DDX54: variants seen among roughly 807,000 people sequenced by gnomAD.
The protein encoded by DDX54 is DEAD-box helicase 54, also known as ATP-dependent RNA helicase DDX54.
Under a neutral mutation model 105.5 loss-of-function variants are expected in DDX54, and 67 were observed. The observed-to-expected ratio is 0.64, with a 90% CI of 0.52 to 0.78. The LOEUF (loss-of-function observed/expected upper bound fraction) is 0.78. Among genes scored for constraint, DDX54 ranks in the 30% least tolerant of loss-of-function variants. DDX54 has a pLI of 0.00. For synonymous variants in DDX54, 514 were observed against 509.9 expected, an observed-to-expected ratio of 1.01 and a Z score of -0.11; for missense variants, 1,206 against 1,230.5, an observed-to-expected ratio of 0.98 and a Z score of 0.30.
At chr12:113,182,252 G>A (rs1188438922) in intron 1 of DDX54, among the ~76,000 whole-genome samples, 2 of 152,198 alleles carry the variant, frequency 1.3e-5, no homozygotes, top group Admixed American at 6.5e-5. Flanking sequence ...TGGCTTCAGA[G>A]ACTGTGTTCT....
At chr12:113,182,073 G>A (rs1042243390) in intron 1 of DDX54, among the ~76,000 whole-genome samples, 1 of 152,000 alleles carries the variant, frequency 6.6e-6, no homozygotes, top group African/African-American at 2.4e-5. Context: ...TATAAGCTAG[G>A]TGCTGCTCTG....
At chr12:113,170,124 C>A (rs541598980) in intron 11 of DDX54, among the ~76,000 whole-genome samples, 1 of 152,208 alleles carries the variant, frequency 6.6e-6, no homozygotes, top group East Asian at 1.9e-4. Context: ...AGCAAAAATA[C>A]AGCAAGGCCC....
In DDX54 at chr12:113,158,999, G is replaced by A. The variant is rs1222180661; in HGVS notation, c.2524C>T (p.Leu842=). 6.2e-7 allele frequency: 1 copy of A among 1,611,844 alleles called. No individual in the cohort carries two copies. ...QRRRAQKLHF[L]QRGGLKQLSA... The stretch of plus-strand genomic sequence containing the variant: ...AGCTGCTTGAGGCCACCACGCTGCA[G>A]GAAGTGCAGCTTCTGGGCCCGGCGC... The change falls in exon 20 of 20, where the codon CTG becomes TTG. Residue 842 remains leucine, a synonymous_variant. Coordinates refer to ENST00000306014, the MANE Select transcript of DDX54 (RefSeq NM_024072.4). The surrounding 1 kb of genome is among the most constrained non-coding windows in gnomAD (Gnocchi z 4.9).
chr12:113,178,841 C>A, intron 5 of DDX54, 136 bp downstream of exon 5: 1 of 1,228,592 alleles, frequency 8.1e-7, no homozygotes, highest in South Asian at 1.5e-5. Context: ...CTGGGCCCGG[C>A]CTTGTTGGGT....
intron 12 of DDX54, among the ~76,000 whole-genome samples, chr12:113,169,213 A>C (rs1952307257): frequency 6.6e-6 from 1 of 151,568 alleles, no homozygotes; most frequent in African/African-American, 2.4e-5. Flanking sequence ...TTTAAAATAG[A>C]GGGATTAGCC....
chr12:113,165,534 T>G (rs1378808443), intron 14 of DDX54, 110 bp downstream of exon 14: 2 of 1,204,662 alleles, frequency 1.7e-6, no homozygotes, highest in East Asian at 2.6e-5. Context: ...GAGTGCAATC[T>G]GAGTCCTGGC....
At chr12:113,166,823 G>T (rs1040982117) in intron 12 of DDX54, among the ~76,000 whole-genome samples, 1 of 152,224 alleles carries the variant, frequency 6.6e-6, no homozygotes, top group Non-Finnish European at 1.5e-5. Context: ...GCTCAGCGAG[G>T]TTCAATTACT....
intron 11 of DDX54, among the ~76,000 whole-genome samples, chr12:113,170,634 G>A (rs931309390): frequency 1.3e-5 from 2 of 152,004 alleles, no homozygotes; most frequent in East Asian, 3.9e-4. Flanking sequence ...GTGAGATCCC[G>A]GCCCCCTGCT....
Position 113,161,873 on chromosome 12 carries a change from AG to A in DDX54, c.2300+19del. 1 of 1,361,332 alleles carries A rather than the reference AG, an allele frequency of 7.3e-7. No homozygotes were observed. The highest frequency in any genetic ancestry group is 9.7e-7 in the Non-Finnish European group (1 of 1,030,534). 84.3% of individuals were successfully genotyped at this position (1,361,332 alleles called of 1,614,324 possible). ...AAGCTCCTCGGCCCCGCCCCTCCCCAGCCACGCCCCTCAGGATACAGGTCTC... is the reference window on the plus strand; with the variant it reads ...AAGCTCCTCGGCCCCGCCCCTCCCCACCACGCCCCTCAGGATACAGGTCTC... On this transcript the variant is annotated intron_variant, in intron 18 of 19. Transcript: ENST00000306014.
chr12:113,161,227 C>A, intron 19 of DDX54, 43 bp downstream of exon 19: 1 of 1,521,484 alleles, frequency 6.6e-7, no homozygotes, highest in African/African-American at 1.4e-5. Context: ...ACCACAACTG[C>A]TCTGCCTACC....
Position 113,157,723 on chromosome 12 carries a change from C to T in DDX54, c.*1154G>A, listed in dbSNP as rs541007541. The T allele has an allele frequency of 1.4e-5, 21 of 1,472,842 alleles. No individual in the cohort carries two copies. The highest frequency in any genetic ancestry group is 1.9e-5 in the Non-Finnish European group (21 of 1,077,138). The allele number at this position is 1,472,842 out of a possible 1,614,324, so 91.2% of individuals were successfully genotyped here. On this transcript the variant is annotated 3_prime_UTR_variant, in exon 20 of 20. Transcript: ENST00000306014. ...GCGGGAGAGGGAACCCCTGAGAGAC[C>T]CTGAGATAGGAGGGCCCACATTTCC...
At position 113,161,397 on chromosome 12, in the gene DDX54, T is replaced by A; in HGVS notation, c.2301-15A>T. On this transcript the variant is annotated splice_polypyrimidine_tract_variant and intron_variant, in intron 18 of 19. Transcript: ENST00000306014. Reference sequence around the variant, plus strand: ...ACTTCTGATAGCTGGGAAACCTCGTTAAGGAAGCTGCGTGAAGCCCCTGGG... The same window carrying A: ...ACTTCTGATAGCTGGGAAACCTCGTAAAGGAAGCTGCGTGAAGCCCCTGGG... 1 of 1,604,496 alleles carries A rather than the reference T, an allele frequency of 6.2e-7. No individual in the cohort carries two copies. The highest frequency in any genetic ancestry group is 8.5e-7 in the Non-Finnish European group (1 of 1,173,560).
chr12:113,163,339 C>G lies in DDX54; in HGVS notation c.1939-65G>C, dbSNP rs1952234088. The G allele has an allele frequency of 1.3e-6, 2 of 1,551,360 alleles. No individual in the cohort carries two copies. Among genetic ancestry groups the G allele is most frequent in the Admixed American group, 3.6e-5 (2 of 55,288 alleles). On this transcript the variant is annotated intron_variant, in intron 15 of 19. Transcript: ENST00000306014. The surrounding 1 kb of genome is among the most constrained non-coding windows in gnomAD (Gnocchi z 5.9). The stretch of plus-strand genomic sequence containing the variant: ...GCCCCCTGGGGACTTCCCCCTGCCT[C>G]CCTACCCACCAGCCTGGCCACAGTG...
intron 5 of DDX54, 87 bp downstream of exon 5, chr12:113,178,890 A>G (rs1393921786): frequency 2.6e-6 from 4 of 1,520,810 alleles, no homozygotes; most frequent in Non-Finnish European, 3.6e-6. Context: ...ATTAATAAGC[A>G]ACACAGCTTA....
chr12:113,181,620 A>C (rs756521830), intron 1 of DDX54, among the ~76,000 whole-genome samples: 1 of 151,812 alleles, frequency 6.6e-6, no homozygotes, highest in Non-Finnish European at 1.5e-5. Flanking sequence ...CCCTAAATAC[A>C]TTAAAGAGCC....
chr12:113,169,959 A>C lies in DDX54; in HGVS notation c.1280-55T>G, dbSNP rs894985577. The C allele has an allele frequency of 2.2e-5, 36 of 1,601,920 alleles. 1 individual carries two copies. The South Asian group carries it at 3.7e-4, about 16-fold the overall frequency. On this transcript the variant is annotated intron_variant, in intron 11 of 19. Coordinates refer to ENST00000306014, the MANE Select transcript of DDX54 (RefSeq NM_024072.4). ...AAGCAAAGAAGGACCCGGACCCAGCATGAGTTCCACAGGCCAGACCCTGAG... is the reference window on the plus strand; with the variant it reads ...AAGCAAAGAAGGACCCGGACCCAGCCTGAGTTCCACAGGCCAGACCCTGAG...
At position 113,174,890 on chromosome 12, in the gene DDX54, G is replaced by A. The variant is rs371226695; in HGVS notation, c.921C>T (p.Leu307=). The A allele has an allele frequency of 9.9e-6, 16 of 1,613,826 alleles. No homozygotes were observed. Among genetic ancestry groups the A allele is most frequent in the African/African-American group, 1.3e-5 (1 of 74,956 alleles). The change falls in exon 9 of 20, where the codon CTC becomes CTT. Residue 307 remains leucine (L), a synonymous_variant. Transcript: ENST00000306014. ...GCAGCCTCACCTTCAGCTGCTCGTT[G>A]AGCTTGGTATCCACGTCAAGCCGGA... ...VLIRLDVDTK[L]NEQLKTSFFL...
At chr12:113,183,698 T>G (rs1952491572) in intron 1 of DDX54, 1 of 152,238 alleles carries the variant, frequency 6.6e-6, no homozygotes, top group Non-Finnish European at 1.5e-5. Context: ...GTCTCAAGTT[T>G]GAATCTCCTG....
chr12:113,161,869 C>T (rs750335654), intron 18 of DDX54, 24 bp downstream of exon 18: 8 of 1,600,504 alleles, frequency 5.0e-6, no homozygotes, highest in Admixed American at 1.7e-5. Context: ...CCCCGCCCCT[C>T]CCCAGCCACG....
Sources: allele counts gnomAD v4.1 joint callset (sites outside exome capture counted in the v4.1 genomes callset), GRCh38; gene constraint gnomAD v4.1.1; non-coding constraint Gnocchi (gnomAD v3.1); transcripts MANE v1.5; gene names NCBI Gene and HGNC (gene_info 2026-07-23, HGNC 2026-07-21).